Variants in PDZRN4 observed in about 807,000 individuals in gnomAD.
PDZRN4 encodes PDZ domain containing ring finger 4, also known as PDZ domain-containing RING finger protein 4.
A neutral mutation model predicts 99.0 loss-of-function variants in PDZRN4; 70 were observed. The ratio of observed to expected loss-of-function variants is 0.71; its 90% CI spans 0.58 to 0.86. PDZRN4 has a LOEUF of 0.86. Among genes scored for constraint, PDZRN4 ranks in the 40% least tolerant of loss-of-function variants. The pLI is 0.00. For synonymous variants in PDZRN4, 551 were observed against 501.6 expected, an observed-to-expected ratio of 1.10 and a Z score of -1.32; for missense variants, 1,474 against 1,331.2, an observed-to-expected ratio of 1.11 and a Z score of -1.67.
chr12:41,270,673 T>G (rs562734736), intron 3 of PDZRN4, among the ~76,000 whole-genome samples: 1 of 152,252 alleles, frequency 6.6e-6, no homozygotes, highest in Non-Finnish European at 1.5e-5. Flanking sequence ...CTTACTTTTG[T>G]AGTAACTATT....
chr12:41,431,519 G>A (rs1466827912), intron 3 of PDZRN4, among the ~76,000 whole-genome samples: 1 of 152,142 alleles, frequency 6.6e-6, no homozygotes, highest in Non-Finnish European at 1.5e-5. Flanking sequence ...CCTCAGGTCT[G>A]TTACCTTATT....
intron 3 of PDZRN4, 32 bp downstream of exon 3, chr12:41,194,220 A>T: frequency 1.0e-6 from 1 of 964,738 alleles, no homozygotes; most frequent in Non-Finnish European, 1.6e-6. Context: ...TATATGATCC[A>T]TGCAAGAAAG....
At chr12:41,405,338 A>G (rs1952338484) in intron 3 of PDZRN4, among the ~76,000 whole-genome samples, 1 of 152,210 alleles carries the variant, frequency 6.6e-6, no homozygotes, top group Non-Finnish European at 1.5e-5. Context: ...CAACAAACAT[A>G]TGAAAAAATG....
chr12:41,397,299 TA>T (rs1952254496), intron 3 of PDZRN4, among the ~76,000 whole-genome samples: 1 of 152,194 alleles, frequency 6.6e-6, no homozygotes, highest in Non-Finnish European at 1.5e-5. Flanking sequence ...AGGATGTGTT[TA>T]GCTTTGTACT....
chr12:41,255,330 C>T (rs978329452), intron 3 of PDZRN4, among the ~76,000 whole-genome samples: 1 of 151,992 alleles, frequency 6.6e-6, no homozygotes, highest in African/African-American at 2.4e-5. Context: ...ATATAGAGTT[C>T]GATAATTAAG....
Position 41,553,190 on chromosome 12 carries a change from A to T in PDZRN4, c.1302+436A>T, listed in dbSNP as rs140736581. Reference sequence around the variant, plus strand: ...TTTACTCTGCTGATGGCATTGATACAGTTGAATACCCAATGAGTGCATCTG... The same window carrying T: ...TTTACTCTGCTGATGGCATTGATACTGTTGAATACCCAATGAGTGCATCTG... On this transcript the variant is annotated intron_variant, in intron 6 of 9. Transcript: ENST00000402685. 2.6e-5 allele frequency among the ~76,000 whole-genome samples: 4 copies of T among 152,360 alleles called. No individual in the cohort carries two copies. In the East Asian group the frequency reaches 7.7e-4, roughly 29 times the overall value.
chr12:41,290,941 A>C (rs1951453139), intron 3 of PDZRN4, among the ~76,000 whole-genome samples: 1 of 152,140 alleles, frequency 6.6e-6, no homozygotes, highest in East Asian at 1.9e-4. Flanking sequence ...TCTCTTTCTA[A>C]ATTGAACAAA....
chr12:41,361,038 C>G (rs140990721), intron 3 of PDZRN4, among the ~76,000 whole-genome samples: 16 of 151,972 alleles, frequency 1.1e-4, no homozygotes, highest in Admixed American at 1.1e-3. Flanking sequence ...TGCATGCTTA[C>G]ACACACATAT....
chr12:41,536,008 G>A (rs937038234), intron 5 of PDZRN4, among the ~76,000 whole-genome samples: 3 of 152,032 alleles, frequency 2.0e-5, no homozygotes, highest in Admixed American at 6.6e-5. Context: ...GAGTATAGCC[G>A]TCGGGTTCCC....
chr12:41,393,012 G>A (rs1952220517), intron 3 of PDZRN4, among the ~76,000 whole-genome samples: 1 of 152,066 alleles, frequency 6.6e-6, no homozygotes, highest in Non-Finnish European at 1.5e-5. Flanking sequence ...AGGCATTATG[G>A]GTTAAGCATG....
intron 3 of PDZRN4, among the ~76,000 whole-genome samples, chr12:41,456,158 C>T (rs1952815073): frequency 6.6e-6 from 1 of 152,168 alleles, no homozygotes; most frequent in South Asian, 2.1e-4. Flanking sequence ...GTTCTTCTAG[C>T]TTCTTTGACA....
chr12:41,396,722 TC>T (rs1405863272), intron 3 of PDZRN4, among the ~76,000 whole-genome samples: 35 of 152,178 alleles, frequency 2.3e-4, no homozygotes, highest in Admixed American at 2.3e-3. Context: ...GTTCTTTATA[TC>T]CATGGCTGTT....
At chr12:41,396,274 C>A (rs1043735659) in intron 3 of PDZRN4, among the ~76,000 whole-genome samples, 1 of 152,066 alleles carries the variant, frequency 6.6e-6, no homozygotes, top group Non-Finnish European at 1.5e-5. Flanking sequence ...CCTGAAAATT[C>A]TCCTCTGCAG....
At position 41,364,091 on chromosome 12, in the gene PDZRN4, T is replaced by C. The variant is rs186665047; in HGVS notation, c.844-142365T>C. On this transcript the variant is annotated intron_variant, in intron 3 of 9. Coordinates refer to ENST00000402685, the MANE Select transcript of PDZRN4 (RefSeq NM_001164595.2). ...ATACAAGGAAGAAGATCATGGAGAT[T>C]TGATTGCCCTCTGACAAGGATAAGG... Among the ~76,000 whole-genome samples, 228 of 152,220 alleles carry C rather than the reference T, an allele frequency of 1.5e-3. 1 individual carries two copies. Among genetic ancestry groups the C allele is most frequent in the African/African-American group, 5.1e-3 (212 of 41,560 alleles).
chr12:41,355,225 T>C (rs899828492), intron 3 of PDZRN4, among the ~76,000 whole-genome samples: 1 of 151,978 alleles, frequency 6.6e-6, no homozygotes, highest in Non-Finnish European at 1.5e-5. Context: ...CAAGATGAAA[T>C]TGCAGCCTTC....
At chr12:41,334,039 A>G (rs1298158656) in intron 3 of PDZRN4, among the ~76,000 whole-genome samples, 2 of 152,096 alleles carry the variant, frequency 1.3e-5, no homozygotes, top group Non-Finnish European at 2.9e-5. Flanking sequence ...TTACCAGCTG[A>G]CTACCACTCT....
At chr12:41,266,643 G>A (rs1337217070) in intron 3 of PDZRN4, among the ~76,000 whole-genome samples, 3 of 152,194 alleles carry the variant, frequency 2.0e-5, no homozygotes, top group Non-Finnish European at 4.4e-5. Flanking sequence ...GGAAGTGGGG[G>A]TAGTAGTTGG....
intron 3 of PDZRN4, among the ~76,000 whole-genome samples, chr12:41,471,293 GTTTA>G (rs1952987679): frequency 6.6e-6 from 1 of 152,114 alleles, no homozygotes; most frequent in African/African-American, 2.4e-5. Flanking sequence ...ATGTTTATTG[GTTTA>G]TTTTGTTTGC....
intron 1 of PDZRN4, among the ~76,000 whole-genome samples, chr12:41,190,703 A>C (rs1286373918): frequency 6.6e-6 from 1 of 152,252 alleles, no homozygotes; most frequent in Non-Finnish European, 1.5e-5. Context: ...ATCATTCAGA[A>C]ATAGTTTCCA....
Sources: allele counts gnomAD v4.1 joint callset (sites outside exome capture counted in the v4.1 genomes callset), GRCh38; gene constraint gnomAD v4.1.1; transcripts MANE v1.5; gene names NCBI Gene and HGNC (gene_info 2026-07-23, HGNC 2026-07-21).